Variants in WDR49 observed in about 807,000 individuals in gnomAD.
WDR49 encodes the protein WD repeat domain 49.
Under a neutral mutation model 119.5 loss-of-function variants are expected in WDR49, and 107 were observed. That is an observed-to-expected ratio of 0.90 (90% confidence interval 0.77 to 1.05). The LOEUF is 1.05. WDR49 is among the 50% of genes least tolerant of loss of function. The pLI is 0.00. For synonymous variants in WDR49, 425 were observed against 418.8 expected (o/e 1.01, Z -0.18); for missense variants, 1,240 against 1,220.5 (o/e 1.02, Z -0.24).
intron 2 of WDR49, among the ~76,000 whole-genome samples, chr3:167,634,484 C>A (rs1489573958): frequency 1.3e-5 from 2 of 151,866 alleles, no homozygotes; most frequent in Non-Finnish European, 2.9e-5. Context: ...TTCCTGAATT[C>A]TTTTCAAAGA....
intron 2 of WDR49, among the ~76,000 whole-genome samples, chr3:167,631,049 A>G (rs1310689220): frequency 6.6e-6 from 1 of 151,958 alleles, no homozygotes; most frequent in Non-Finnish European, 1.5e-5. Context: ...GTGGCACTAA[A>G]GAGATGTTAA....
chr3:167,597,301 T>G (rs990927969), intron 7 of WDR49, among the ~76,000 whole-genome samples: 11 of 152,208 alleles, frequency 7.2e-5, no homozygotes, highest in African/African-American at 2.4e-4. Flanking sequence ...GTGTTGAGCC[T>G]GTGGGTGCAC....
At chr3:167,632,863 A>G (rs1160807796) in intron 2 of WDR49, among the ~76,000 whole-genome samples, 4 of 152,058 alleles carry the variant, frequency 2.6e-5, no homozygotes, top group South Asian at 2.1e-4. Context: ...CTTAGCCCCA[A>G]TTATGGCACC....
chr3:167,518,268 C>T (rs899668144), intron 16 of WDR49, among the ~76,000 whole-genome samples: 1 of 151,232 alleles, frequency 6.6e-6, no homozygotes, highest in Non-Finnish European at 1.5e-5. Context: ...ATGGCTGGGT[C>T]AAATGGTATT....
chr3:167,614,095 T>TCC (rs1489225318), intron 5 of WDR49, among the ~76,000 whole-genome samples: 1 of 152,048 alleles, frequency 6.6e-6, no homozygotes, highest in Non-Finnish European at 1.5e-5. Flanking sequence ...TTCTTTCTTG[T>TCC]CCCCCCTCCT....
At chr3:167,584,828 C>T (rs1230501769) in intron 7 of WDR49, among the ~76,000 whole-genome samples, 1 of 151,810 alleles carries the variant, frequency 6.6e-6, no homozygotes, top group African/African-American at 2.4e-5. Flanking sequence ...TAATAACTTA[C>T]AAATAGGAGA....
chr3:167,555,780 TAA>T (rs1712888341), intron 9 of WDR49, among the ~76,000 whole-genome samples: 1 of 152,162 alleles, frequency 6.6e-6, no homozygotes, highest in African/African-American at 2.4e-5. Flanking sequence ...TTTTCCTATA[TAA>T]AGTCACCCAT....
chr3:167,549,046 T>C (rs1382810014), intron 10 of WDR49, among the ~76,000 whole-genome samples: 1 of 152,204 alleles, frequency 6.6e-6, no homozygotes, highest in Non-Finnish European at 1.5e-5. Context: ...GGCTGCATAA[T>C]ATTGCATGGT....
At chr3:167,593,924 C>G (rs981771466) in intron 7 of WDR49, among the ~76,000 whole-genome samples, 7 of 152,094 alleles carry the variant, frequency 4.6e-5, no homozygotes, top group African/African-American at 7.2e-5. Context: ...TGGTTCCCCT[C>G]TCTCGTTCTG....
At chr3:167,584,432 C>T (rs898182101) in intron 7 of WDR49, among the ~76,000 whole-genome samples, 3 of 152,014 alleles carry the variant, frequency 2.0e-5, no homozygotes, top group African/African-American at 7.2e-5. Flanking sequence ...GGGAATGGGA[C>T]ATTTGTACTG....
upstream of WDR49, among the ~76,000 whole-genome samples, chr3:167,656,979 C>G: frequency 6.6e-6 from 1 of 152,164 alleles, no homozygotes; most frequent in East Asian, 1.9e-4. Flanking sequence ...GCTGATACAT[C>G]CATTGGCCTT....
chr3:167,651,449 T>A (rs1718374877), intron 2 of WDR49, among the ~76,000 whole-genome samples: 3 of 152,170 alleles, frequency 2.0e-5, no homozygotes, highest in Admixed American at 2.0e-4. Flanking sequence ...ATTAAAGTCA[T>A]CTAGTGCATC....
rs183677106 is a variant in WDR49 at position 167,549,125 on chromosome 3, C to T, written c.1823+5525G>A. On this transcript the variant is annotated intron_variant, in intron 10 of 18. Transcript: ENST00000682715. Reference sequence around the variant, plus strand: ...CATTTGGGTTGGTTCCAAGTCTTTGCTATTGTGAATAGTGCCACAATAAAC... The same window carrying T: ...CATTTGGGTTGGTTCCAAGTCTTTGTTATTGTGAATAGTGCCACAATAAAC... Among the ~76,000 whole-genome samples the T allele has an allele frequency of 2.3e-3, 352 of 152,260 alleles. 4 individuals carry two copies. In the East Asian group the frequency reaches 0.031, roughly 13 times the overall value.
intron 18 of WDR49, among the ~76,000 whole-genome samples, chr3:167,497,825 A>C (rs1308966862): frequency 6.9e-6 from 1 of 145,434 alleles, no homozygotes; most frequent in Non-Finnish European, 1.5e-5. Context: ...TTCCTGTTTC[A>C]TGTCTGTTTG....
At chr3:167,632,822 G>A (rs1647643197) in intron 2 of WDR49, among the ~76,000 whole-genome samples, 1 of 152,000 alleles carries the variant, frequency 6.6e-6, no homozygotes. Flanking sequence ...TTGGGAAATT[G>A]TGTGGTAGTG....
chr3:167,479,419 G>A (rs757204582), intron 18 of WDR49, among the ~76,000 whole-genome samples: 3 of 152,086 alleles, frequency 2.0e-5, no homozygotes, highest in Non-Finnish European at 4.4e-5. Flanking sequence ...CTATAATCAC[G>A]TCCATAGGGG....
chr3:167,603,459 ATC>A, intron 6 of WDR49, among the ~76,000 whole-genome samples: 1 of 152,152 alleles, frequency 6.6e-6, no homozygotes, highest in Non-Finnish European at 1.5e-5. Context: ...TATTCAAGGT[ATC>A]TGTTACTGTG....
chr3:167,485,919 T>TA (rs2108192392), intron 18 of WDR49, among the ~76,000 whole-genome samples: 1 of 150,692 alleles, frequency 6.6e-6, no homozygotes, highest in South Asian at 2.1e-4. Flanking sequence ...AAAGATACTA[T>TA]AAAAGAGGGC....
At chr3:167,620,249 A>T (rs1289445901) in intron 5 of WDR49, among the ~76,000 whole-genome samples, 180 bp downstream of exon 5, 5 of 152,162 alleles carry the variant, frequency 3.3e-5, no homozygotes, top group Non-Finnish European at 5.9e-5. Context: ...GAAGGAAAAA[A>T]AAAAGAAAGA....
Sources: allele counts gnomAD v4.1 joint callset (sites outside exome capture counted in the v4.1 genomes callset), GRCh38; gene constraint gnomAD v4.1.1; transcripts MANE v1.5; gene names NCBI Gene and HGNC (gene_info 2026-07-23, HGNC 2026-07-21).